Variants in IMPA2 observed in about 807,000 individuals in gnomAD.
IMPA2 encodes the protein inositol monophosphatase 2, also known as IMP 2.
IMPA2 carries 32 observed loss-of-function variants against 35.1 expected under a neutral mutation model. That is an observed-to-expected ratio of 0.91 (90% CI 0.69 to 1.23). The LOEUF (loss-of-function observed/expected upper bound fraction) is 1.23. Among genes scored for constraint, IMPA2 ranks in the 50% most tolerant of loss-of-function variants. IMPA2 has a pLI of 0.00. For missense variants in IMPA2, 334 were observed against 387.6 expected (o/e 0.86, Z 1.16); for synonymous variants, 135 against 160.6 (o/e 0.84, Z 1.20).
chr18:12,003,602 GATTGCACC>G (rs1907171837), intron 2 of IMPA2, among the ~76,000 whole-genome samples: 1 of 146,014 alleles, frequency 6.8e-6, no homozygotes, highest in African/African-American at 2.6e-5. Context: ...AGTGAGCTGA[GATTGCACC>G]ATTGCACTCC....
At chr18:11,987,176 T>C (rs1395496999) in intron 1 of IMPA2, among the ~76,000 whole-genome samples, 1 of 152,188 alleles carries the variant, frequency 6.6e-6, no homozygotes, top group African/African-American at 2.4e-5. Flanking sequence ...GCAGGGTTTC[T>C]CATTCACTAG....
intron 5 of IMPA2, among the ~76,000 whole-genome samples, chr18:12,021,155 G>T (rs578111266): frequency 7.2e-4 from 109 of 152,266 alleles, no homozygotes; most frequent in Admixed American, 1.8e-3. Flanking sequence ...ACTTTGGGAG[G>T]CTGAGGCAGG....
At chr18:12,024,666 A>AT (rs971757019) in intron 5 of IMPA2, among the ~76,000 whole-genome samples, 22 of 151,326 alleles carry the variant, frequency 1.5e-4, no homozygotes, top group African/African-American at 4.4e-4. Context: ...AAGCCATCCC[A>AT]TTTTTTTCTT....
chr18:11,999,294 A>T, intron 2 of IMPA2, 107 bp downstream of exon 2: 6 of 1,093,216 alleles, frequency 5.5e-6, no homozygotes, highest in Non-Finnish European at 7.8e-6. Context: ...ATGTGGCCAG[A>T]CGTGAAGCCC....
intron 5 of IMPA2, among the ~76,000 whole-genome samples, chr18:12,015,968 G>C (rs747944756): frequency 6.6e-6 from 1 of 152,326 alleles, no homozygotes; most frequent in African/African-American, 2.4e-5. Context: ...CAGGCTGCTA[G>C]CTCAAGCACC....
chr18:12,018,323 C>G (rs1907638300), intron 5 of IMPA2: 1 of 152,328 alleles, frequency 6.6e-6, no homozygotes, highest in South Asian at 2.1e-4. Context: ...GTCATGTCCT[C>G]TCTCTGTCAC....
At chr18:11,992,556 T>C (rs1412741749) in intron 1 of IMPA2, among the ~76,000 whole-genome samples, 1 of 152,224 alleles carries the variant, frequency 6.6e-6, no homozygotes, top group Non-Finnish European at 1.5e-5. Flanking sequence ...CCTTTCCTTT[T>C]AGATTTGAAA....
intron 3 of IMPA2, among the ~76,000 whole-genome samples, chr18:12,011,187 G>C (rs1907423367): frequency 2.0e-5 from 3 of 152,202 alleles, no homozygotes; most frequent in Admixed American, 6.5e-5. Context: ...TGCACCCCTG[G>C]GGGGATCCTG....
At chr18:11,997,701 A>C (rs1407410419) in intron 1 of IMPA2, among the ~76,000 whole-genome samples, 1 of 152,150 alleles carries the variant, frequency 6.6e-6, no homozygotes, top group Non-Finnish European at 1.5e-5. Context: ...GTGTGTGCTT[A>C]TCAGAAGACG....
intron 2 of IMPA2, among the ~76,000 whole-genome samples, chr18:12,002,539 C>G (rs1218930604): frequency 6.6e-6 from 1 of 152,016 alleles, no homozygotes; most frequent in Non-Finnish European, 1.5e-5. Context: ...TTCAGGAGCC[C>G]AAGGTCAGAG....
At chr18:11,989,578 G>C (rs1388955342) in intron 1 of IMPA2, among the ~76,000 whole-genome samples, 1 of 152,206 alleles carries the variant, frequency 6.6e-6, no homozygotes, top group Non-Finnish European at 1.5e-5. Context: ...GACCCTATCT[G>C]AGAGGTCCCT....
chr18:12,030,585 T>C lies in IMPA2; in HGVS notation c.*127T>C, dbSNP rs769182367. On this transcript the variant is annotated 3_prime_UTR_variant, in exon 8 of 8. Transcript: ENST00000269159. ...CTGCTCCTGGCTACCCCAGAGGGAGTTGTCACGCTACAGTGAGTGGCTGGC... is the reference window on the plus strand; with the variant it reads ...CTGCTCCTGGCTACCCCAGAGGGAGCTGTCACGCTACAGTGAGTGGCTGGC... The C allele has an allele frequency of 7.5e-6, 5 of 670,416 alleles. No individual in the cohort carries two copies. Among genetic ancestry groups the C allele is most frequent in the East Asian group, 2.7e-5 (1 of 37,126 alleles). The allele number at this position is 670,416 out of a possible 1,614,324, so 41.5% of individuals were successfully genotyped here.
rs181731223 is a variant in IMPA2, at chr18:11,992,175, C to T, written c.97-6879C>T. 4.5e-4 allele frequency among the ~76,000 whole-genome samples: 68 copies of T among 152,350 alleles called. No individual in the cohort carries two copies. In the East Asian group the frequency reaches 6.9e-3, roughly 16 times the overall value. ...TGTCTGACCAAGTATCTGCGCTCCA[C>T]GTAGCTCAGTCAAGTTGACACATAA... On this transcript the variant is annotated intron_variant, in intron 1 of 7. Coordinates refer to ENST00000269159, the MANE Select transcript of IMPA2 (RefSeq NM_014214.3).
chr18:12,015,870 A>T (rs1226516531), intron 5 of IMPA2, among the ~76,000 whole-genome samples: 9 of 152,282 alleles, frequency 5.9e-5, no homozygotes, highest in Admixed American at 5.9e-4. Context: ...CTGGATTATA[A>T]CACTGAACTC....
intron 1 of IMPA2, among the ~76,000 whole-genome samples, chr18:11,998,002 T>C (rs1486660718): frequency 6.6e-6 from 1 of 151,960 alleles, no homozygotes; most frequent in African/African-American, 2.4e-5. Flanking sequence ...ACCCTGTCTC[T>C]TCAAAAAATA....
At chr18:12,011,217 G>C (rs1028124552) in intron 3 of IMPA2, among the ~76,000 whole-genome samples, 1 of 152,198 alleles carries the variant, frequency 6.6e-6, no homozygotes, top group South Asian at 2.1e-4. Context: ...AGGTGACTGG[G>C]AAAAGAGCAG....
At chr18:12,012,384 G>A in intron 4 of IMPA2, 169 bp downstream of exon 4, 1 of 659,490 alleles carries the variant, frequency 1.5e-6, no homozygotes, top group Non-Finnish European at 2.7e-6. Flanking sequence ...AACAAGTCCA[G>A]ACTGGCTTTG....
At chr18:12,002,923 T>C (rs7226475) in intron 2 of IMPA2, among the ~76,000 whole-genome samples, 64,108 of 151,342 alleles carry the variant, frequency 0.42, 15,822 homozygotes, top group African/African-American at 0.66. Context: ...CTGGGCGCGG[T>C]GGTTTACACC....
intron 5 of IMPA2, chr18:12,017,584 T>C: frequency 2.3e-6 from 1 of 430,538 alleles, no homozygotes. Flanking sequence ...TACGTATTTT[T>C]TATTTGTTTT....
Sources: gnomAD v4.1 joint callset for allele counts (sites outside exome capture counted in the v4.1 genomes callset) on GRCh38, gnomAD v4.1.1 for gene constraint, MANE v1.5 for transcripts, NCBI Gene and HGNC (gene_info 2026-07-23, HGNC 2026-07-21) for gene names.